The following CPVL variants were observed in gnomAD, a reference collection of about 807,000 sequenced individuals.
CPVL encodes the protein carboxypeptidase vitellogenic like, also known as probable serine carboxypeptidase CPVL.
Under a neutral mutation model 63.7 loss-of-function variants are expected in CPVL, and 51 were observed. That is an observed-to-expected ratio of 0.80 (90% confidence interval 0.64 to 1.01). The LOEUF (loss-of-function observed/expected upper bound fraction) is 1.01, where lower values mean the gene tolerates loss of function less well. Among genes scored for constraint, CPVL ranks in the 50% least tolerant of loss-of-function variants. CPVL has a pLI of 0.00. For synonymous variants in CPVL, 195 were observed against 206.0 expected, an observed-to-expected ratio of 0.95 and a Z score of 0.46; for missense variants, 530 against 573.1, an observed-to-expected ratio of 0.92 and a Z score of 0.77.
intron 7 of CPVL, among the ~76,000 whole-genome samples, chr7:29,078,402 T>C (rs1175200795): frequency 6.6e-6 from 1 of 152,242 alleles, no homozygotes; most frequent in Non-Finnish European, 1.5e-5. Flanking sequence ...CAGTGCCAGT[T>C]TGGAGAAATC....
At chr7:29,017,140 G>GC (rs1453077048) in intron 12 of CPVL, among the ~76,000 whole-genome samples, 1 of 152,104 alleles carries the variant, frequency 6.6e-6, no homozygotes, top group Non-Finnish European at 1.5e-5. Context: ...CAAGCTGCAG[G>GC]CTATGAGCCA....
chr7:29,116,373 C>T (rs1037879308), intron 2 of CPVL, among the ~76,000 whole-genome samples: 3 of 152,170 alleles, frequency 2.0e-5, no homozygotes, highest in Non-Finnish European at 4.4e-5. Context: ...TCCTGTGCAT[C>T]CTTCTATTAA....
chr7:29,086,604 T>C, intron 6 of CPVL, 54 bp from the exon 7 acceptor site: 1 of 1,285,042 alleles, frequency 7.8e-7, no homozygotes, highest in Non-Finnish European at 1.1e-6. Context: ...TGATTCAGGA[T>C]CTCTTCATGC....
chr7:29,184,650 A>T (rs1798486746), intron 3 of CPVL: 1 of 152,232 alleles, frequency 6.6e-6, no homozygotes, highest in African/African-American at 2.4e-5. Flanking sequence ...CCAGGCCTTC[A>T]ACTGATGTGA....
chr7:29,115,577 T>C (rs1788701228), intron 2 of CPVL, among the ~76,000 whole-genome samples: 1 of 152,070 alleles, frequency 6.6e-6, no homozygotes, highest in Admixed American at 6.6e-5. Flanking sequence ...TAAAATGCTT[T>C]TGAAATATTT....
chr7:29,030,988 C>T (rs1240366732), intron 11 of CPVL, among the ~76,000 whole-genome samples: 1 of 152,142 alleles, frequency 6.6e-6, no homozygotes, highest in African/African-American at 2.4e-5. Context: ...GTTGCAAAAA[C>T]ATTTGTGTTG....
intron 11 of CPVL, among the ~76,000 whole-genome samples, chr7:29,062,255 C>G (rs560274016): frequency 6.6e-6 from 1 of 152,224 alleles, no homozygotes; most frequent in African/African-American, 2.4e-5. Context: ...AGAGTCTGCA[C>G]GTTAGAGTGT....
chr7:29,010,871 G>A (rs1346000990), intron 12 of CPVL: 2 of 152,160 alleles, frequency 1.3e-5, no homozygotes, highest in Non-Finnish European at 2.9e-5. Flanking sequence ...AGAGTGGTGG[G>A]TGATAATATT....
chr7:29,022,826 T>G (rs993580580), intron 12 of CPVL, among the ~76,000 whole-genome samples: 1 of 152,184 alleles, frequency 6.6e-6, no homozygotes, highest in Non-Finnish European at 1.5e-5. Context: ...CATCCACACC[T>G]GGGGGTGCTA....
chr7:29,133,453 C>T (rs1790898644), intron 1 of CPVL, among the ~76,000 whole-genome samples: 1 of 152,226 alleles, frequency 6.6e-6, no homozygotes, highest in African/African-American at 2.4e-5. Flanking sequence ...GCTTATCACA[C>T]TTCCACACAC....
At chr7:29,001,731 G>T (rs1350740484) in intron 12 of CPVL, among the ~76,000 whole-genome samples, 1 of 152,156 alleles carries the variant, frequency 6.6e-6, no homozygotes, top group East Asian at 1.9e-4. Flanking sequence ...GCTTCTAGGT[G>T]CTTCAGGAGA....
At chr7:29,050,740 C>T (rs1206345876) in intron 11 of CPVL, among the ~76,000 whole-genome samples, 2 of 149,960 alleles carry the variant, frequency 1.3e-5, no homozygotes, top group Non-Finnish European at 3.0e-5. Flanking sequence ...TTCGAAAAGC[C>T]AATTCTAAAA....
intron 6 of CPVL, among the ~76,000 whole-genome samples, chr7:29,091,690 G>A (rs2075129): frequency 0.11 from 17,052 of 152,202 alleles, 1,081 homozygotes; most frequent in East Asian, 0.27. Context: ...AACAAAAGTG[G>A]AGAAGACAAC....
In CPVL at chr7:29,071,896, C is replaced by T. The variant is rs1783781858; in HGVS notation, c.741G>A (p.Gly247=). 3 of 1,613,984 alleles carry T rather than the reference C, an allele frequency of 1.9e-6. No homozygotes were observed. Among genetic ancestry groups the T allele is most frequent in the Non-Finnish European group, 2.5e-6 (3 of 1,179,950 alleles). Reference sequence around the variant, plus strand: ...TTTGGTACAGGAATTCTGCATAGCCCCCTATAATCTGAGGACAAAAAAGAC... The same window carrying T: ...TTTGGTACAGGAATTCTGCATAGCCTCCTATAATCTGAGGACAAAAAAGAC... ...DGYSDPESII[G]GYAEFLYQIG... is the part of the protein sequence containing the mutation. The change falls in exon 9 of 13, where the codon GGG becomes GGA. Residue 247 remains glycine (G), a synonymous_variant. Transcript: ENST00000265394.
At chr7:29,156,489 C>T (rs1476550616) in intron 5 of CPVL, among the ~76,000 whole-genome samples, 3 of 152,128 alleles carry the variant, frequency 2.0e-5, no homozygotes, top group Non-Finnish European at 4.4e-5. Flanking sequence ...CTAAAGATGG[C>T]GATCTTGTGA....
At chr7:29,039,918 C>CT (rs541625993) in intron 11 of CPVL, among the ~76,000 whole-genome samples, 209 of 152,230 alleles carry the variant, frequency 1.4e-3, no homozygotes, top group African/African-American at 4.6e-3. Context: ...CAAAGTTATG[C>CT]TTTTTTCCCA....
At chr7:29,032,150 C>T (rs1197326921) in intron 11 of CPVL, among the ~76,000 whole-genome samples, 2 of 152,076 alleles carry the variant, frequency 1.3e-5, no homozygotes, top group Non-Finnish European at 2.9e-5. Flanking sequence ...TTGGTTGAAT[C>T]CTCAAATTGG....
At chr7:29,112,504 C>T (rs944395306) in intron 3 of CPVL, among the ~76,000 whole-genome samples, 200 bp downstream of exon 3, 2 of 152,114 alleles carry the variant, frequency 1.3e-5, no homozygotes, top group African/African-American at 4.8e-5. Flanking sequence ...ACTTCCCACT[C>T]CCGCAGAAAA....
chr7:29,046,379 C>G (rs577885958), intron 11 of CPVL, among the ~76,000 whole-genome samples: 1 of 152,036 alleles, frequency 6.6e-6, no homozygotes, highest in South Asian at 2.1e-4. Context: ...CCACCGCGCC[C>G]GACCAGGTAA....
Sources: gnomAD v4.1 joint callset for allele counts (sites outside exome capture counted in the v4.1 genomes callset) on GRCh38, gnomAD v4.1.1 for gene constraint, MANE v1.5 for transcripts, NCBI Gene and HGNC (gene_info 2026-07-23, HGNC 2026-07-21) for gene names.